Variants in KRT86 observed in about 807,000 individuals in gnomAD.
KRT86 encodes the protein keratin, type II cuticular Hb6.
In KRT86, 30 loss-of-function variants were observed where a neutral mutation model predicts 41.2. The observed-to-expected ratio is 0.73, with a 90% CI of 0.54 to 0.99. The LOEUF (loss-of-function observed/expected upper bound fraction) is 0.99, where lower values mean the gene tolerates loss of function less well. Among genes scored for constraint, KRT86 ranks in the 50% least tolerant of loss-of-function variants. The pLI is 0.00. For synonymous variants in KRT86, 238 were observed against 238.1 expected, an observed-to-expected ratio of 1.00 and a Z score of 0.00; for missense variants, 561 against 571.4, an observed-to-expected ratio of 0.98 and a Z score of 0.19.
At chr12:52,300,708 T>C (rs1938352400) in intron 2 of KRT86, among the ~76,000 whole-genome samples, 1 of 152,194 alleles carries the variant, frequency 6.6e-6, no homozygotes, top group Non-Finnish European at 1.5e-5. Context: ...TCAAGGAGTA[T>C]AGTGCAGAAA....
At chr12:52,288,468 G>T in intron 2 of KRT86, 1 of 1,613,946 alleles carries the variant, frequency 6.2e-7, no homozygotes. Context: ...TGGAAAGGTG[G>T]GGAGTGTTGG....
chr12:52,293,946 G>A (rs1938192812), intron 2 of KRT86, among the ~76,000 whole-genome samples: 1 of 152,120 alleles, frequency 6.6e-6, no homozygotes. Flanking sequence ...GAAAAGAGAG[G>A]AGAGGAAAAA....
At chr12:52,283,457 A>C (rs975474535) in intron 2 of KRT86, among the ~76,000 whole-genome samples, 7 of 118,268 alleles carry the variant, frequency 5.9e-5, no homozygotes, top group Admixed American at 9.1e-5. Flanking sequence ...GTTAGTAGCC[A>C]CCTAATCCAA....
intron 2 of KRT86, among the ~76,000 whole-genome samples, chr12:52,285,085 T>G (rs1157108865): frequency 6.6e-6 from 1 of 152,232 alleles, no homozygotes; most frequent in Non-Finnish European, 1.5e-5. Context: ...CATCTAAACC[T>G]TTTACGTATA....
chr12:52,288,553 A>T, intron 2 of KRT86: 5 of 1,417,420 alleles, frequency 3.5e-6, no homozygotes, highest in Non-Finnish European at 5.0e-6. Context: ...AGGGGAAAGC[A>T]GTCCCTGGTG....
intron 2 of KRT86, among the ~76,000 whole-genome samples, chr12:52,295,620 A>C (rs985291152): frequency 6.6e-5 from 10 of 152,214 alleles, no homozygotes; most frequent in Non-Finnish European, 1.5e-5. Context: ...GCAAGCTTCC[A>C]GTATTAAGAG....
At chr12:52,294,176 A>T (rs746821091) in intron 2 of KRT86, among the ~76,000 whole-genome samples, 25 of 152,178 alleles carry the variant, frequency 1.6e-4, no homozygotes, top group Non-Finnish European at 2.6e-4. Context: ...CTCACAATTG[A>T]GCAGTGATGT....
At chr12:52,305,059 C>T (rs765120827) in intron 6 of KRT86, 32 bp downstream of exon 6, 15 of 1,612,810 alleles carry the variant, frequency 9.3e-6, no homozygotes, top group Non-Finnish European at 1.3e-5. Flanking sequence ...AGAGACCTGG[C>T]AGCCAGCAGA....
Position 52,308,906 on chromosome 12 carries a change from G to A in KRT86, c.*321G>A. On this transcript the variant is annotated 3_prime_UTR_variant, in exon 11 of 11. Coordinates refer to ENST00000423955, the MANE Select transcript of KRT86 (RefSeq NM_001320198.2). ...TTGCCTGAGCTCTTCCCCAAAGCTTGGAGGAACGGGGGAGGCCCGGGAATG... is the reference window on the plus strand; with the variant it reads ...TTGCCTGAGCTCTTCCCCAAAGCTTAGAGGAACGGGGGAGGCCCGGGAATG... 3 of 375,206 alleles carry A rather than the reference G, an allele frequency of 8.0e-6. No individual in the cohort carries two copies. Among genetic ancestry groups the A allele is most frequent in the Non-Finnish European group, 1.5e-5 (3 of 201,896 alleles). The allele number at this position is 375,206 out of a possible 1,614,324, so 23.2% of individuals were successfully genotyped here.
At chr12:52,308,326 G>C in intron 10 of KRT86, 62 bp downstream of exon 10, 1 of 1,613,414 alleles carries the variant, frequency 6.2e-7, no homozygotes, top group Non-Finnish European at 8.5e-7. Flanking sequence ...TGGGCAAAGG[G>C]CGCGTGGGCT....
Position 52,286,138 on chromosome 12 carries a change from G to A in KRT86, c.-5+10192G>A. 3.6e-6 allele frequency: 3 copies of A among 828,614 alleles called. No homozygotes were observed. In the Admixed American group the frequency reaches 6.1e-5, roughly 17 times the overall value. The allele number at this position is 828,614 out of a possible 1,614,324, so 51.3% of individuals were successfully genotyped here. A position where few individuals can be genotyped will look rare whatever the true frequency, so the allele number is the denominator to read the frequency against. ...AGAAATGTGAGGCCAGGAGTGGGAG[G>A]GGTCTTTCAAAGTGCAGGAGAAGTA... On this transcript the variant is annotated intron_variant, in intron 2 of 10. Coordinates refer to ENST00000423955, the MANE Select transcript of KRT86 (RefSeq NM_001320198.2).
intron 1 of KRT86, among the ~76,000 whole-genome samples, chr12:52,275,413 T>C (rs1309005219): frequency 6.6e-6 from 1 of 151,320 alleles, no homozygotes; most frequent in Non-Finnish European, 1.5e-5. Context: ...GTTTTTTAAA[T>C]TAGGAAATAT....
chr12:52,301,530 C>T (rs1174541361), intron 2 of KRT86, among the ~76,000 whole-genome samples: 1 of 152,154 alleles, frequency 6.6e-6, no homozygotes, highest in Non-Finnish European at 1.5e-5. Flanking sequence ...AGAGCAGCAG[C>T]CCCGCCCCTT....
At chr12:52,305,132 G>A (rs1276997231) in intron 6 of KRT86, 105 bp downstream of exon 6, 1 of 1,605,754 alleles carries the variant, frequency 6.2e-7, no homozygotes. Flanking sequence ...CCCTGAGGCT[G>A]TGTGAGGGGG....
intron 2 of KRT86, among the ~76,000 whole-genome samples, chr12:52,298,195 A>C (rs1938291469): frequency 6.6e-6 from 1 of 152,192 alleles, no homozygotes; most frequent in African/African-American, 2.4e-5. Flanking sequence ...TCTCTGAGGC[A>C]ATCAGGCTGG....
rs184958420 is a variant in KRT86 at position 52,284,336 on chromosome 12, C to T, written c.-5+8390C>T. Among the ~76,000 whole-genome samples, 322 of 152,300 alleles carry T rather than the reference C, an allele frequency of 2.1e-3. 2 individuals carry two copies. The highest frequency in any genetic ancestry group is 0.017 in the Middle Eastern group (5 of 294). On this transcript the variant is annotated intron_variant, in intron 2 of 10. Transcript: ENST00000423955. ...CCCTAAGTAGCTGGGACTATAGGTG[C>T]ACACCACGTCGCCCAGCTAATATTT...
At chr12:52,295,458 G>C (rs1444874570) in intron 2 of KRT86, among the ~76,000 whole-genome samples, 1 of 152,098 alleles carries the variant, frequency 6.6e-6, no homozygotes, top group Non-Finnish European at 1.5e-5. Context: ...GTACACCATC[G>C]GCCATCAGTA....
At chr12:52,278,769 C>A (rs1284421590) in intron 2 of KRT86, among the ~76,000 whole-genome samples, 5 of 152,160 alleles carry the variant, frequency 3.3e-5, no homozygotes, top group African/African-American at 1.2e-4. Flanking sequence ...CACACCTTGG[C>A]GTGCCTCCTC....
chr12:52,279,357 G>C (rs1937717168), intron 2 of KRT86, among the ~76,000 whole-genome samples: 1 of 152,328 alleles, frequency 6.6e-6, no homozygotes, highest in East Asian at 1.9e-4. Context: ...CTCCCACACC[G>C]GGACGTGAGG....
Sources: allele counts gnomAD v4.1 joint callset (sites outside exome capture counted in the v4.1 genomes callset), GRCh38; gene constraint gnomAD v4.1.1; transcripts MANE v1.5; gene names NCBI Gene and HGNC (gene_info 2026-07-23, HGNC 2026-07-21).